CHIC2: variants seen among roughly 807,000 people sequenced by gnomAD.
CHIC2 encodes the protein cysteine-rich hydrophobic domain-containing protein 2.
CHIC2 carries 14 observed loss-of-function variants against 25.9 expected under a neutral mutation model. That is an observed-to-expected ratio of 0.54 (90% CI 0.36 to 0.85). The LOEUF (loss-of-function observed/expected upper bound fraction) is 0.85. CHIC2 is among the 40% of genes least tolerant of loss of function. The pLI is 0.01. For missense variants in CHIC2, 146 were observed against 202.0 expected (o/e 0.72, Z 1.68); for synonymous variants, 70 against 72.0 (o/e 0.97, Z 0.14).
chr4:54,050,761 G>T (rs552467382), intron 1 of CHIC2, among the ~76,000 whole-genome samples: 1 of 152,064 alleles, frequency 6.6e-6, no homozygotes, highest in Non-Finnish European at 1.5e-5. Context: ...TAGATGTGTA[G>T]TAGGCTACAC....
intron 3 of CHIC2, among the ~76,000 whole-genome samples, chr4:54,015,015 C>T (rs1051471756): frequency 1.9e-4 from 29 of 152,042 alleles, no homozygotes; most frequent in African/African-American, 6.5e-4. Context: ...TGAAAATTTG[C>T]GTGTCAAGCA....
chr4:54,024,187 C>T (rs976682289), intron 3 of CHIC2, among the ~76,000 whole-genome samples: 2 of 152,202 alleles, frequency 1.3e-5, no homozygotes, highest in African/African-American at 4.8e-5. Context: ...ATATCTCCTT[C>T]CAGCCTCACA....
rs371551624 is a variant in CHIC2, at chr4:54,021,081, CTTCTCCCTTA to C, written c.331-6972_331-6963del. Among the ~76,000 whole-genome samples, 239 of 152,284 alleles carry C rather than the reference CTTCTCCCTTA, an allele frequency of 1.6e-3. 1 individual carries two copies. The South Asian group carries it at 0.024, about 15-fold the overall frequency. On this transcript the variant is annotated intron_variant, in intron 3 of 5. Coordinates refer to ENST00000263921, the MANE Select transcript of CHIC2 (RefSeq NM_012110.4). ...AACCTTCCACCCTCCATTCCCCCTT[CTTCTCCCTTA>C]GCCTGTGTTCTCAAGAACTTAAAAC...
At chr4:54,043,329 G>A (rs1303339961) in intron 3 of CHIC2, among the ~76,000 whole-genome samples, 1 of 151,430 alleles carries the variant, frequency 6.6e-6, no homozygotes, top group Non-Finnish European at 1.5e-5. Context: ...GCTGACACAG[G>A]AGAATGGCGT....
intron 3 of CHIC2, among the ~76,000 whole-genome samples, chr4:54,035,956 T>C (rs1258327519): frequency 1.3e-5 from 2 of 152,230 alleles, no homozygotes; most frequent in Non-Finnish European, 2.9e-5. Flanking sequence ...CTTTGACCAA[T>C]GAGTTATTTA....
At chr4:54,068,150 C>T (rs1717555292), upstream of CHIC2, among the ~76,000 whole-genome samples, 1 of 151,998 alleles carries the variant, frequency 6.6e-6, no homozygotes, top group African/African-American at 2.4e-5. Flanking sequence ...TCACCAGGAA[C>T]CAAATCATCA....
At chr4:54,027,536 A>G (rs1320718138) in intron 3 of CHIC2, among the ~76,000 whole-genome samples, 2 of 152,224 alleles carry the variant, frequency 1.3e-5, no homozygotes, top group Admixed American at 1.3e-4. Flanking sequence ...TCTAGTTATG[A>G]GAAATCTTTT....
At chr4:54,042,719 A>G (rs1456899619) in intron 3 of CHIC2, among the ~76,000 whole-genome samples, 1 of 152,188 alleles carries the variant, frequency 6.6e-6, no homozygotes, top group Non-Finnish European at 1.5e-5. Context: ...CCAGAGACGA[A>G]AAAATGTTCT....
the CHIC2 span, among the ~76,000 whole-genome samples, chr4:54,082,205 G>A: frequency 6.6e-6 from 1 of 152,198 alleles, no homozygotes. Flanking sequence ...TCAAAAATGA[G>A]CAATCTTCTC....
rs1717452141 is a variant in CHIC2 at position 54,064,543 on chromosome 4, G to A, written c.-243C>T. 1.5e-6 allele frequency: 2 copies of A among 1,352,418 alleles called. No individual in the cohort carries two copies. The highest frequency in any genetic ancestry group is 3.5e-5 in the Admixed American group (1 of 28,800). 83.8% of individuals were successfully genotyped at this position (1,352,418 alleles called of 1,614,324 possible). On this transcript the variant is annotated 5_prime_UTR_variant, in exon 1 of 6. Transcript: ENST00000263921. This position sits in a 1 kb window ranked among gnomAD's most constrained non-coding sequence, Gnocchi z 4.2. ...ACACAATGTCAACATCCGCCCAGAG[G>A]CCGACACCTCCACAAGCACAGACGC...
chr4:54,047,451 A>G (rs1427297683), intron 3 of CHIC2, among the ~76,000 whole-genome samples: 1 of 152,112 alleles, frequency 6.6e-6, no homozygotes, highest in Non-Finnish European at 1.5e-5. Flanking sequence ...CATATACACC[A>G]TGGAATACTA....
chr4:54,078,936 G>C, the CHIC2 span, among the ~76,000 whole-genome samples: 1 of 151,540 alleles, frequency 6.6e-6, no homozygotes, highest in Non-Finnish European at 1.5e-5. Flanking sequence ...CCCTTACAGA[G>C]CCGGGTGCGG....
chr4:54,086,866 G>A, the CHIC2 span: 1 of 560,340 alleles, frequency 1.8e-6, no homozygotes, highest in African/African-American at 1.9e-5. Context: ...AGTCCTTTTG[G>A]GAAATCCCTA....
rs1163659409 is a variant in CHIC2, at chr4:54,064,330, G to A, written c.-30C>T. On this transcript the variant is annotated 5_prime_UTR_variant, in exon 1 of 6. Coordinates refer to ENST00000263921, the MANE Select transcript of CHIC2 (RefSeq NM_012110.4). The surrounding 1 kb of genome is among the most constrained non-coding windows in gnomAD (Gnocchi z 4.2). ...AGCCTCCGAGCTCCCCTGCCCAAAG[G>A]GCCTGACTCCCGGGGTTGGCGCCGG... is the stretch of plus-strand genomic sequence containing the variant. 2.5e-6 allele frequency: 4 copies of A among 1,612,168 alleles called. No homozygotes were observed. In the African/African-American group the frequency reaches 4.0e-5, roughly 16 times the overall value.
chr4:54,049,324 A>T lies in CHIC2; in HGVS notation c.120-19T>A. ...TCCAAATCTATTTTAAAAAATAAGA[A>T]GAATATGTTATTACATGTTATTGTT... On this transcript the variant is annotated intron_variant, in intron 1 of 5. Coordinates refer to ENST00000263921, the MANE Select transcript of CHIC2 (RefSeq NM_012110.4). The T allele has an allele frequency of 6.6e-7, 1 of 1,510,888 alleles. No individual in the cohort carries two copies. Among genetic ancestry groups the T allele is most frequent in the South Asian group, 1.2e-5 (1 of 83,148 alleles). 93.6% of individuals were successfully genotyped at this position (1,510,888 alleles called of 1,614,324 possible). A position where few individuals can be genotyped will look rare whatever the true frequency, so the allele number is the denominator to read the frequency against.
At chr4:54,089,502 A>G in the CHIC2 span, among the ~76,000 whole-genome samples, 10 of 152,052 alleles carry the variant, frequency 6.6e-5, no homozygotes, top group African/African-American at 2.2e-4. Flanking sequence ...AAAAATAAGT[A>G]TGTCTTGCAA....
intron 3 of CHIC2, among the ~76,000 whole-genome samples, chr4:54,046,645 G>C (rs905043672): frequency 5.3e-5 from 8 of 152,118 alleles, no homozygotes; most frequent in South Asian, 2.1e-4. Context: ...TACAAAAATT[G>C]ATTCAAGATG....
At chr4:54,043,150 G>C (rs954700919) in intron 3 of CHIC2, among the ~76,000 whole-genome samples, 1 of 152,012 alleles carries the variant, frequency 6.6e-6, no homozygotes, top group Non-Finnish European at 1.5e-5. Context: ...GGCCAGGCGC[G>C]GTGGCTCACG....
At chr4:54,059,840 G>C (rs1452660335) in intron 1 of CHIC2, 1 of 152,078 alleles carries the variant, frequency 6.6e-6, no homozygotes, top group African/African-American at 2.4e-5. Context: ...ATATTAAATA[G>C]TAAAGAAAGA....
Sources: allele counts gnomAD v4.1 joint callset (sites outside exome capture counted in the v4.1 genomes callset), GRCh38; gene constraint gnomAD v4.1.1; non-coding constraint Gnocchi (gnomAD v3.1); transcripts MANE v1.5; gene names NCBI Gene and HGNC (gene_info 2026-07-23, HGNC 2026-07-21).